Variants in NRXN3 observed in about 807,000 individuals in gnomAD.
The protein encoded by NRXN3 is neurexin III.
NRXN3 carries 32 observed loss-of-function variants against 137.6 expected under a neutral mutation model. The ratio of observed to expected loss-of-function variants is 0.23; its 90% CI spans 0.18 to 0.31. NRXN3 has a LOEUF of 0.31. Ranked by LOEUF, NRXN3 falls within the 10% of genes least tolerant of loss-of-function variation. NRXN3 has a pLI of 1.00. For synonymous variants in NRXN3, 798 were observed against 784.5 expected (o/e 1.02, Z -0.29); for missense variants, 1,574 against 2,062.5 (o/e 0.76, Z 4.59).
intron 15 of NRXN3, among the ~76,000 whole-genome samples, chr14:79,392,268 G>A (rs181066957): frequency 1.3e-5 from 2 of 152,274 alleles, no homozygotes; most frequent in African/African-American, 4.8e-5. Context: ...TCTTGTGTTA[G>A]TTTGCTGAGA....
intron 8 of NRXN3, among the ~76,000 whole-genome samples, chr14:78,728,365 A>G (rs2098497172): frequency 6.6e-6 from 1 of 152,204 alleles, no homozygotes; most frequent in South Asian, 2.1e-4. Flanking sequence ...GTTTAAAAAG[A>G]GATGCTTAAA....
intron 16 of NRXN3, among the ~76,000 whole-genome samples, chr14:79,634,931 T>A (rs2098392008): frequency 1.3e-5 from 2 of 152,232 alleles, no homozygotes; most frequent in African/African-American, 2.4e-5. Flanking sequence ...TGTCCGTCTG[T>A]GTTTGGTTTA....
At chr14:78,303,546 G>C (rs1361573766) in intron 4 of NRXN3, among the ~76,000 whole-genome samples, 6 of 151,994 alleles carry the variant, frequency 3.9e-5, no homozygotes, top group African/African-American at 1.5e-4. Flanking sequence ...CCAAAGTTTT[G>C]GGTAGATTCT....
chr14:79,390,141 C>T (rs1046468426), intron 15 of NRXN3, among the ~76,000 whole-genome samples: 1 of 151,922 alleles, frequency 6.6e-6, no homozygotes, highest in African/African-American at 2.4e-5. Context: ...CACAGTGAAA[C>T]CCCGTCTCTA....
chr14:79,297,164 T>C (rs561900102), intron 15 of NRXN3, among the ~76,000 whole-genome samples: 1 of 152,368 alleles, frequency 6.6e-6, no homozygotes, highest in East Asian at 1.9e-4. Context: ...TCCCAGGCCA[T>C]AGGTTCTCAT....
At chr14:78,710,195 T>G (rs565557196) in intron 7 of NRXN3, among the ~76,000 whole-genome samples, 1 of 152,332 alleles carries the variant, frequency 6.6e-6, no homozygotes, top group African/African-American at 2.4e-5. Context: ...TACATTCAAT[T>G]TAAAGCCTTC....
At chr14:78,398,206 C>G (rs1255496536) in intron 4 of NRXN3, among the ~76,000 whole-genome samples, 10 of 70,614 alleles carry the variant, frequency 1.4e-4, no homozygotes, top group Non-Finnish European at 2.4e-4. Flanking sequence ...AAGAGCAAAA[C>G]TCTGTTTCAA....
At chr14:79,270,414 A>T (rs181387264) in intron 15 of NRXN3, among the ~76,000 whole-genome samples, 10 of 152,340 alleles carry the variant, frequency 6.6e-5, no homozygotes, top group Admixed American at 3.3e-4. Context: ...ACTGTGGACA[A>T]TTGGAGATAA....
chr14:79,166,636 G>T (rs2061311330), intron 15 of NRXN3, among the ~76,000 whole-genome samples: 1 of 151,228 alleles, frequency 6.6e-6, no homozygotes, highest in African/African-American at 2.4e-5. Flanking sequence ...TGAGACCCAA[G>T]GATTAGTAAG....
chr14:79,549,574 C>T (rs1448194062), intron 16 of NRXN3, among the ~76,000 whole-genome samples: 1 of 152,110 alleles, frequency 6.6e-6, no homozygotes, highest in Non-Finnish European at 1.5e-5. Flanking sequence ...CTGGAATAAG[C>T]AATCCTGGGT....
Position 78,243,540 on chromosome 14 carries a change from T to G in NRXN3, c.447T>G (p.Leu149=), listed in dbSNP as rs1185889068. 6.3e-7 allele frequency: 1 copy of G among 1,597,554 alleles called. No homozygotes were observed. Among genetic ancestry groups the G allele is most frequent in the Non-Finnish European group, 8.5e-7 (1 of 1,179,504 alleles). ...PYMDVVSDLF[L]GGVPTDIRPS... is the part of the protein sequence containing the mutation. ...TGGATGTGGTCAGTGACTTGTTCCT[T>G]GGTGGAGTCCCTACTGACATACGAC... Residue 149 remains leucine, a synonymous_variant, in exon 2 of 21, where the codon CTT becomes CTG. Coordinates refer to ENST00000335750, the MANE Select transcript of NRXN3 (RefSeq NM_001330195.2). This position sits in a 1 kb window ranked among gnomAD's most constrained non-coding sequence, Gnocchi z 4.2.
At chr14:78,171,918 C>T (rs1234168468) in intron 1 of NRXN3, among the ~76,000 whole-genome samples, 1 of 151,504 alleles carries the variant, frequency 6.6e-6, no homozygotes, top group African/African-American at 2.4e-5. Context: ...ATGCAAAGGT[C>T]AGAGATCATT....
chr14:78,612,783 T>C (rs1353502882), intron 4 of NRXN3, among the ~76,000 whole-genome samples: 1 of 152,160 alleles, frequency 6.6e-6, no homozygotes, highest in African/African-American at 2.4e-5. Context: ...TTCCTGCAGG[T>C]TTTTCTCTCT....
At chr14:79,019,104 A>G (rs1331871449) in intron 15 of NRXN3, among the ~76,000 whole-genome samples, 2 of 152,190 alleles carry the variant, frequency 1.3e-5, no homozygotes, top group Non-Finnish European at 2.9e-5. Flanking sequence ...TGTAGGGACA[A>G]GCACTTTGGA....
chr14:78,489,778 G>GA (rs2095630250), intron 4 of NRXN3, among the ~76,000 whole-genome samples: 1 of 152,138 alleles, frequency 6.6e-6, no homozygotes, highest in South Asian at 2.1e-4. Context: ...AAGAATTTGG[G>GA]CGGGGTGGGA....
chr14:78,576,360 C>T (rs2096935853), intron 4 of NRXN3, among the ~76,000 whole-genome samples: 1 of 152,006 alleles, frequency 6.6e-6, no homozygotes, highest in African/African-American at 2.4e-5. Context: ...AGGGCTTTTT[C>T]CTTAATTTTC....
chr14:79,865,554 G>A lies in NRXN3; in HGVS notation c.*3590G>A, dbSNP rs780100392. On this transcript the variant is annotated 3_prime_UTR_variant, in exon 21 of 21. Coordinates refer to ENST00000335750, the MANE Select transcript of NRXN3 (RefSeq NM_001330195.2). ...TTATACTATCGACTATGTTAGGAAT[G>A]GGGGGGAGAAAGTCAGGTTCAGTGA... 8 of 152,056 alleles carry A rather than the reference G, an allele frequency of 5.3e-5. No homozygotes were observed. Among genetic ancestry groups the A allele is most frequent in the Non-Finnish European group, 7.4e-5 (5 of 68,018 alleles). The allele number at this position is 152,056 out of a possible 1,614,324, so 9.4% of individuals were successfully genotyped here. A position where few individuals can be genotyped will look rare whatever the true frequency, so the allele number is the denominator to read the frequency against.
chr14:78,235,026 G>GTATATAGATA (rs2066064883), intron 1 of NRXN3, among the ~76,000 whole-genome samples: 1 of 87,312 alleles, frequency 1.1e-5, no homozygotes, highest in African/African-American at 4.9e-5. Flanking sequence ...ATATATATGT[G>GTATATAGATA]TATATATATA....
At chr14:79,525,009 C>T (rs372323260) in intron 16 of NRXN3, among the ~76,000 whole-genome samples, 23 of 152,080 alleles carry the variant, frequency 1.5e-4, no homozygotes, top group African/African-American at 5.3e-4. Context: ...GGTCTTATGA[C>T]CTATAATCAA....
Sources: allele counts gnomAD v4.1 joint callset (sites outside exome capture counted in the v4.1 genomes callset), GRCh38; gene constraint gnomAD v4.1.1; non-coding constraint Gnocchi (gnomAD v3.1); transcripts MANE v1.5; gene names NCBI Gene and HGNC (gene_info 2026-07-23, HGNC 2026-07-21).